The following ATP11B variants were observed in gnomAD, a reference collection of about 807,000 sequenced individuals.
ATP11B encodes phospholipid-transporting ATPase IF.
In ATP11B, 81 loss-of-function variants were observed where a neutral mutation model predicts 157.8. The ratio of observed to expected loss-of-function variants is 0.51; its 90% CI spans 0.43 to 0.62. The LOEUF (loss-of-function observed/expected upper bound fraction) is 0.62. ATP11B is among the 20% of genes least tolerant of loss of function. The pLI, the probability that ATP11B is intolerant of heterozygous loss-of-function variation, is 0.00. For missense variants in ATP11B, 1,165 were observed against 1,402.2 expected, an observed-to-expected ratio of 0.83 and a Z score of 2.70; for synonymous variants, 451 against 469.4, an observed-to-expected ratio of 0.96 and a Z score of 0.51.
At chr3:182,796,553 C>G (rs183621119) in intron 1 of ATP11B, among the ~76,000 whole-genome samples, 3 of 152,286 alleles carry the variant, frequency 2.0e-5, no homozygotes, top group Non-Finnish European at 4.4e-5. Flanking sequence ...TTCATTATCA[C>G]AGAAAATTCT....
intron 12 of ATP11B, among the ~76,000 whole-genome samples, chr3:182,861,330 G>A (rs993331591): frequency 5.9e-5 from 9 of 152,168 alleles, no homozygotes; most frequent in South Asian, 2.1e-4. Flanking sequence ...CTCCCAAAGT[G>A]CTGGGATTAC....
chr3:182,840,817 C>T (rs1197425089), intron 7 of ATP11B, among the ~76,000 whole-genome samples: 1 of 152,196 alleles, frequency 6.6e-6, no homozygotes, highest in East Asian at 1.9e-4. Context: ...GTACCATCTC[C>T]TGCCTGGATT....
chr3:182,910,672 T>C (rs1724713636), intron 28 of ATP11B, among the ~76,000 whole-genome samples: 1 of 152,226 alleles, frequency 6.6e-6, no homozygotes, highest in South Asian at 2.1e-4. Context: ...CATATATGGA[T>C]ACTCAAGCGC....
chr3:182,804,061 G>A (rs1716170342), intron 1 of ATP11B, among the ~76,000 whole-genome samples: 1 of 151,886 alleles, frequency 6.6e-6, no homozygotes, highest in African/African-American at 2.4e-5. Context: ...TAGCTCCATG[G>A]AAAATAGTTC....
intron 29 of ATP11B, chr3:182,917,678 T>TC (rs1219674434): frequency 1.2e-5 from 12 of 985,262 alleles, no homozygotes; most frequent in African/African-American, 1.7e-5. Context: ...ACTGAACTTT[T>TC]CAGTAAAACA....
At chr3:182,897,482 A>G (rs1215633524) in intron 27 of ATP11B, 76 bp downstream of exon 27, 18 of 1,050,166 alleles carry the variant, frequency 1.7e-5, no homozygotes, top group Non-Finnish European at 4.2e-6. Flanking sequence ...TACATTATGA[A>G]CATATTCTGC....
chr3:182,917,115 A>G, intron 29 of ATP11B: 1 of 985,326 alleles, frequency 1.0e-6, no homozygotes, highest in Non-Finnish European at 1.2e-6. Flanking sequence ...TGGGAAAGAG[A>G]AAATATTTGA....
rs868762198 is a variant in ATP11B at position 182,827,292 on chromosome 3, T to A, written c.145-828T>A. 1.2e-4 allele frequency among the ~76,000 whole-genome samples: 19 copies of A among 152,280 alleles called. No homozygotes were observed. The South Asian group carries it at 1.7e-3, about 13-fold the overall frequency. ...AGGTTTTTGAGCTGAGTAATAATAA[T>A]AAGCACTTTTATAGCAATTAGTATG... is the stretch of plus-strand genomic sequence containing the variant. On this transcript the variant is annotated intron_variant, in intron 2 of 29. Coordinates refer to ENST00000323116, the MANE Select transcript of ATP11B (RefSeq NM_014616.3).
At chr3:182,892,891 C>T (rs1435431343) in intron 25 of ATP11B, among the ~76,000 whole-genome samples, 1 of 152,174 alleles carries the variant, frequency 6.6e-6, no homozygotes, top group Admixed American at 6.5e-5. Context: ...TTTACTATTA[C>T]TCCTTAATGA....
At chr3:182,846,940 C>A (rs1034119017) in intron 9 of ATP11B, among the ~76,000 whole-genome samples, 1 of 151,806 alleles carries the variant, frequency 6.6e-6, no homozygotes, top group African/African-American at 2.4e-5. Flanking sequence ...CTGGTAAATA[C>A]ATATGTTTTT....
chr3:182,808,471 A>T (rs1716461820), intron 1 of ATP11B, among the ~76,000 whole-genome samples: 1 of 151,930 alleles, frequency 6.6e-6, no homozygotes, highest in East Asian at 1.9e-4. Context: ...TTTTTTTTTT[A>T]AAGAGGGAAA....
intron 1 of ATP11B, among the ~76,000 whole-genome samples, chr3:182,796,124 G>A (rs964982375): frequency 5.3e-5 from 8 of 152,304 alleles, no homozygotes; most frequent in African/African-American, 1.9e-4. Context: ...TACTTGAGAA[G>A]ATGGAAAAAT....
chr3:182,868,652 A>G (rs1721421054), intron 15 of ATP11B, among the ~76,000 whole-genome samples: 1 of 152,182 alleles, frequency 6.6e-6, no homozygotes, highest in Non-Finnish European at 1.5e-5. Context: ...GTATTAGGAC[A>G]GAAAAAAGCG....
chr3:182,828,284 A>G (rs1717862428), intron 3 of ATP11B, 75 bp downstream of exon 3: 8 of 703,062 alleles, frequency 1.1e-5, no homozygotes, highest in East Asian at 5.7e-5. Context: ...GAAAAATTAC[A>G]TTGTGTTGCT....
intron 9 of ATP11B, among the ~76,000 whole-genome samples, chr3:182,848,013 A>T (rs375594338): frequency 6.6e-6 from 1 of 152,168 alleles, no homozygotes. Flanking sequence ...CTTCCATGTT[A>T]TCTCTCCAAT....
At chr3:182,828,558 C>T (rs1041590447) in intron 3 of ATP11B, among the ~76,000 whole-genome samples, 3 of 151,908 alleles carry the variant, frequency 2.0e-5, no homozygotes, top group Non-Finnish European at 4.4e-5. Flanking sequence ...CGGTACATTT[C>T]TGCCTGTGGA....
chr3:182,897,333 A>T lies in ATP11B; in HGVS notation c.3079A>T (p.Ile1027Phe), dbSNP rs761521895. The T allele has an allele frequency of 6.3e-6, 10 of 1,584,210 alleles. No individual in the cohort carries two copies. In the South Asian group the frequency reaches 1.1e-4, roughly 17 times the overall value. Reference protein sequence around the residue: ...MALETHFWTWINHLVTWGSII... With the variant: ...MALETHFWTWFNHLVTWGSII... ...TCTGGAAACTCATTTTTGGACTTGG[A>T]TCAACCATCTCGTTACCTGGGGATC... The change falls in exon 27 of 30, where the codon ATC becomes TTC. Residue 1027 changes from isoleucine (I) to phenylalanine (F), a missense_variant. Coordinates refer to ENST00000323116, the MANE Select transcript of ATP11B (RefSeq NM_014616.3).
At chr3:182,854,752 TACACACACACAC>T (rs71183649) in intron 10 of ATP11B, among the ~76,000 whole-genome samples, 10,853 of 145,860 alleles carry the variant, frequency 0.074, 1,045 homozygotes, top group African/African-American at 0.22. Context: ...TGCATGTGTT[TACACACACACAC>T]ACACACACAC....
At chr3:182,812,745 T>C (rs556821053) in intron 1 of ATP11B, among the ~76,000 whole-genome samples, 4 of 152,298 alleles carry the variant, frequency 2.6e-5, no homozygotes, top group African/African-American at 9.6e-5. Flanking sequence ...AGTTACCATT[T>C]TAACCATTTT....
Sources: gnomAD v4.1 joint callset for allele counts (sites outside exome capture counted in the v4.1 genomes callset) on GRCh38, gnomAD v4.1.1 for gene constraint, MANE v1.5 for transcripts, NCBI Gene and HGNC (gene_info 2026-07-23, HGNC 2026-07-21) for gene names.